The following CSNK1D variants were observed in gnomAD, a reference collection of about 807,000 sequenced individuals.
The protein encoded by CSNK1D is casein kinase I isoform delta.
A neutral mutation model predicts 46.6 loss-of-function variants in CSNK1D; 16 were observed. The ratio of observed to expected loss-of-function variants is 0.34; its 90% CI spans 0.23 to 0.52. CSNK1D has a LOEUF of 0.52. Ranked by LOEUF, CSNK1D falls within the 20% of genes least tolerant of loss-of-function variation. The probability of loss-of-function intolerance (pLI) is 0.95; values close to 1 mark genes in which losing one functional copy is unlikely to be tolerated. For synonymous variants in CSNK1D, 276 were observed against 228.2 expected (o/e 1.21, Z -1.89); for missense variants, 398 against 578.4 (o/e 0.69, Z 3.20).
chr17:82,255,395 A>C lies in CSNK1D; in HGVS notation c.336+34T>G. The C allele has an allele frequency of 6.2e-7, 1 of 1,612,916 alleles. No individual in the cohort carries two copies. The highest frequency in any genetic ancestry group is 8.5e-7 in the Non-Finnish European group (1 of 1,178,930). ...CGAGTGGCTGATTCTATCAGACAGCAAGTGTGTGCCAACTGTCAGGAAACA... is the reference window on the plus strand; with the variant it reads ...CGAGTGGCTGATTCTATCAGACAGCCAGTGTGTGCCAACTGTCAGGAAACA... On this transcript the variant is annotated intron_variant, in intron 3 of 8. Transcript: ENST00000314028. The surrounding 1 kb of genome is among the most constrained non-coding windows in gnomAD (Gnocchi z 5.9).
downstream of CSNK1D, among the ~76,000 whole-genome samples, chr17:82,242,220 G>T (rs1019283830): frequency 5.9e-5 from 9 of 151,614 alleles, no homozygotes; most frequent in Non-Finnish European, 7.4e-5. Flanking sequence ...TCTGGGGGGG[G>T]GGGGAAGAGG....
chr17:82,266,056 G>A (rs1039397819), intron 1 of CSNK1D, among the ~76,000 whole-genome samples: 4 of 152,182 alleles, frequency 2.6e-5, no homozygotes, highest in African/African-American at 4.8e-5. Flanking sequence ...CCAGTCTTCA[G>A]GTGCTGCAGC....
chr17:82,245,431 T>C (rs2050826211), intron 8 of CSNK1D: 2 of 209,402 alleles, frequency 9.6e-6, no homozygotes, highest in Non-Finnish European at 9.8e-6. Flanking sequence ...AGAGACCAAG[T>C]GTGAAAAGAA....
At chr17:82,256,236 T>G (rs1460439549) in intron 2 of CSNK1D, among the ~76,000 whole-genome samples, 2 of 152,176 alleles carry the variant, frequency 1.3e-5, no homozygotes, top group Non-Finnish European at 2.9e-5. Context: ...ACGGGCCAGG[T>G]GCAGTGGCTC....
At position 82,249,427 on chromosome 17, in the gene CSNK1D, T is replaced by C. The variant is rs1480650329; in HGVS notation, c.1057+4A>G. ...CCCCAGAGCGCTGGGAGGGGGGCAC[T>C]CACCCGTGTGTGAGGTAGGGGTGAG... On this transcript the variant is annotated splice_donor_region_variant and intron_variant, in intron 7 of 8. Transcript: ENST00000314028. The surrounding 1 kb of genome is among the most constrained non-coding windows in gnomAD (Gnocchi z 6.7). 2 of 1,535,694 alleles carry C rather than the reference T, an allele frequency of 1.3e-6. No homozygotes were observed. The highest frequency in any genetic ancestry group is 1.7e-6 in the Non-Finnish European group (2 of 1,146,100).
In CSNK1D at chr17:82,246,220, G is replaced by C. The variant is rs561611861; in HGVS notation, c.1198-1389C>G. 82 of 1,509,012 alleles carry C rather than the reference G, an allele frequency of 5.4e-5. No individual in the cohort carries two copies. The African/African-American group carries it at 5.9e-4, about 11-fold the overall frequency. The allele number at this position is 1,509,012 out of a possible 1,614,324, so 93.5% of individuals were successfully genotyped here. ...TGCCTCTCAGGACGGGCCTCTGGAT[G>C]AGAGTGGTGCCCACTCCTCTTCTGG... On this transcript the variant is annotated intron_variant, in intron 8 of 8. Coordinates refer to ENST00000314028, the MANE Select transcript of CSNK1D (RefSeq NM_001893.6).
At position 82,244,031 on chromosome 17, in the gene CSNK1D, A is replaced by C; in HGVS notation, c.*750T>G. The C allele has an allele frequency of 1.0e-6, 1 of 987,934 alleles. No individual in the cohort carries two copies. Among genetic ancestry groups the C allele is most frequent in the Non-Finnish European group, 1.2e-6 (1 of 831,494 alleles). The allele number at this position is 987,934 out of a possible 1,614,324, so 61.2% of individuals were successfully genotyped here. A position where few individuals can be genotyped will look rare whatever the true frequency, so the allele number is the denominator to read the frequency against. Reference sequence around the variant, plus strand: ...TGCCCCGCGGCAGCCTGCGGTCCCTAACTGCTCTCCGAGGGCCTCAAGAGT... The same window carrying C: ...TGCCCCGCGGCAGCCTGCGGTCCCTCACTGCTCTCCGAGGGCCTCAAGAGT... On this transcript the variant is annotated 3_prime_UTR_variant, in exon 9 of 9. Coordinates refer to ENST00000314028, the MANE Select transcript of CSNK1D (RefSeq NM_001893.6).
At position 82,252,906 on chromosome 17, in the gene CSNK1D, G is replaced by A; in HGVS notation, c.565+110C>T. ...GCCAGCCTGTCTGCCGCAAAGGTCT[G>A]ATGACACGCTTGCAGCCCCAGCTCC... On this transcript the variant is annotated intron_variant, in intron 4 of 8. Coordinates refer to ENST00000314028, the MANE Select transcript of CSNK1D (RefSeq NM_001893.6). The surrounding 1 kb of genome is among the most constrained non-coding windows in gnomAD (Gnocchi z 4.6). 9.6e-7 allele frequency: 1 copy of A among 1,038,922 alleles called. No individual in the cohort carries two copies. Among genetic ancestry groups the A allele is most frequent in the African/African-American group, 1.6e-5 (1 of 63,446 alleles). The allele number at this position is 1,038,922 out of a possible 1,614,324, so 64.4% of individuals were successfully genotyped here.
intron 8 of CSNK1D, chr17:82,247,920 G>A (rs777547569): frequency 2.0e-4 from 198 of 985,360 alleles, no homozygotes; most frequent in Non-Finnish European, 2.4e-4. Context: ...TTAAAAGACG[G>A]CAAGTGGTCA....
At position 82,243,308 on chromosome 17, in the gene CSNK1D, C is replaced by T. The variant is rs1273895589; in HGVS notation, c.*1473G>A. 4.1e-6 allele frequency: 4 copies of T among 985,382 alleles called. No homozygotes were observed. Among genetic ancestry groups the T allele is most frequent in the Non-Finnish European group, 4.8e-6 (4 of 829,976 alleles). The allele number at this position is 985,382 out of a possible 1,614,324, so 61.0% of individuals were successfully genotyped here. A position where few individuals can be genotyped will look rare whatever the true frequency, so the allele number is the denominator to read the frequency against. ...TCGAAGCCCTAGAGTCCAAAGGGAA[C>T]ATCGTCCATCGTGATGGGGTCCAGC... On this transcript the variant is annotated 3_prime_UTR_variant, in exon 9 of 9. Transcript: ENST00000314028.
intron 8 of CSNK1D, chr17:82,245,237 G>A (rs958212112): frequency 2.8e-6 from 1 of 351,196 alleles, no homozygotes; most frequent in South Asian, 2.6e-5. Context: ...AAACTGCAGC[G>A]GGTCTCCCAG....
At chr17:82,247,475 A>G (rs1245000642) in intron 8 of CSNK1D, 2 of 985,386 alleles carry the variant, frequency 2.0e-6, no homozygotes, top group African/African-American at 1.7e-5. Flanking sequence ...CCCCTTCCCT[A>G]GTCTTTGTCA....
Position 82,248,117 on chromosome 17 carries a change from C to T in CSNK1D, c.1197+758G>A, listed in dbSNP as rs926163037. 1.0e-4 allele frequency: 103 copies of T among 985,394 alleles called. No homozygotes were observed. Among genetic ancestry groups the T allele is most frequent in the South Asian group, 1.4e-4 (3 of 21,302 alleles). The allele number at this position is 985,394 out of a possible 1,614,324, so 61.0% of individuals were successfully genotyped here. On this transcript the variant is annotated intron_variant, in intron 8 of 8. Coordinates refer to ENST00000314028, the MANE Select transcript of CSNK1D (RefSeq NM_001893.6). The surrounding 1 kb of genome is among the most constrained non-coding windows in gnomAD (Gnocchi z 4.1). ...GACCCGTGGGGGATCTGGGCACCCC[C>T]CAGGATGCCTGCTGGTGAAACAGCC... is the stretch of plus-strand genomic sequence containing the variant.
In CSNK1D at chr17:82,251,775, G is replaced by A; in HGVS notation, c.737-248C>T. 6.2e-5 allele frequency: 32 copies of A among 517,644 alleles called. 1 individual carries two copies. The highest frequency in any genetic ancestry group is 6.1e-4 in the South Asian group (31 of 51,104). The allele number at this position is 517,644 out of a possible 1,614,324, so 32.1% of individuals were successfully genotyped here. A position where few individuals can be genotyped will look rare whatever the true frequency, so the allele number is the denominator to read the frequency against. On this transcript the variant is annotated intron_variant, in intron 5 of 8. Coordinates refer to ENST00000314028, the MANE Select transcript of CSNK1D (RefSeq NM_001893.6). The surrounding 1 kb of genome is among the most constrained non-coding windows in gnomAD (Gnocchi z 4.5). Reference sequence around the variant, plus strand: ...GGAGGCTGAGGAGGGCGGATCACGAGGTCAGGAGATCAAGACCATCCTGGC... The same window carrying A: ...GGAGGCTGAGGAGGGCGGATCACGAAGTCAGGAGATCAAGACCATCCTGGC...
chr17:82,249,774 T>C lies in CSNK1D; in HGVS notation c.886-172A>G. ...TTCTCCTCATGGGATGACAGCATCA[T>C]CCCCACAAGGGGTCAGAGCCAGGCC... On this transcript the variant is annotated intron_variant, in intron 6 of 8. Coordinates refer to ENST00000314028, the MANE Select transcript of CSNK1D (RefSeq NM_001893.6). This position sits in a 1 kb window ranked among gnomAD's most constrained non-coding sequence, Gnocchi z 6.7. 1 of 1,469,978 alleles carries C rather than the reference T, an allele frequency of 6.8e-7. No individual in the cohort carries two copies. Among genetic ancestry groups the C allele is most frequent in the East Asian group, 2.5e-5 (1 of 40,190 alleles). The allele number at this position is 1,469,978 out of a possible 1,614,324, so 91.1% of individuals were successfully genotyped here. A position where few individuals can be genotyped will look rare whatever the true frequency, so the allele number is the denominator to read the frequency against.
downstream of CSNK1D, chr17:82,242,515 G>A: frequency 3.0e-6 from 1 of 328,312 alleles, no homozygotes. Context: ...CAGGCCCAGG[G>A]GGCAGCTCTC....
At position 82,255,306 on chromosome 17, in the gene CSNK1D, G is replaced by C; in HGVS notation, c.336+123C>G. ...TGAGCCACTGCAGCCTCAAGGCTGA[G>C]GCTCAGCAAATTTCCATTTCCTCTG... On this transcript the variant is annotated intron_variant, in intron 3 of 8. Transcript: ENST00000314028. The surrounding 1 kb of genome is among the most constrained non-coding windows in gnomAD (Gnocchi z 5.9). 8.1e-7 allele frequency: 1 copy of C among 1,227,168 alleles called. No individual in the cohort carries two copies. Among genetic ancestry groups the C allele is most frequent in the South Asian group, 1.2e-5 (1 of 80,176 alleles). The allele number at this position is 1,227,168 out of a possible 1,614,324, so 76.0% of individuals were successfully genotyped here. A position where few individuals can be genotyped will look rare whatever the true frequency, so the allele number is the denominator to read the frequency against.
rs964931039 is a variant in CSNK1D at position 82,247,674 on chromosome 17, G to A, written c.1197+1201C>T. ...GTGCCAGGCTCGTGGAAAGAAGCCA[G>A]TTAAACCCTTTCTGTGCTGTGTCTG... On this transcript the variant is annotated intron_variant, in intron 8 of 8. Coordinates refer to ENST00000314028, the MANE Select transcript of CSNK1D (RefSeq NM_001893.6). 1.0e-5 allele frequency: 10 copies of A among 985,278 alleles called. No homozygotes were observed. In the African/African-American group the frequency reaches 1.4e-4, roughly 14 times the overall value. The allele number at this position is 985,278 out of a possible 1,614,324, so 61.0% of individuals were successfully genotyped here.
In CSNK1D at chr17:82,250,328, C is replaced by G. The variant is rs2050970000; in HGVS notation, c.886-726G>C. Reference sequence around the variant, plus strand: ...ACCAGGCAACACACAGACCGACACACCTGCGGCTGCAGCACCGTGCGGCCA... The same window carrying G: ...ACCAGGCAACACACAGACCGACACAGCTGCGGCTGCAGCACCGTGCGGCCA... On this transcript the variant is annotated intron_variant, in intron 6 of 8. Transcript: ENST00000314028. The surrounding 1 kb of genome is among the most constrained non-coding windows in gnomAD (Gnocchi z 4.6). 3 of 636,766 alleles carry G rather than the reference C, an allele frequency of 4.7e-6. No individual in the cohort carries two copies. The highest frequency in any genetic ancestry group is 3.2e-5 in the South Asian group (2 of 61,982). 39.4% of individuals were successfully genotyped at this position (636,766 alleles called of 1,614,324 possible).
Sources: allele counts gnomAD v4.1 joint callset (sites outside exome capture counted in the v4.1 genomes callset), GRCh38; gene constraint gnomAD v4.1.1; non-coding constraint Gnocchi (gnomAD v3.1); transcripts MANE v1.5; gene names NCBI Gene and HGNC (gene_info 2026-07-23, HGNC 2026-07-21).